The following LRRC3B variants were observed in gnomAD, a reference collection of about 807,000 sequenced individuals.
LRRC3B encodes leucine-rich repeat-containing protein 3B.
A neutral mutation model predicts 12.8 loss-of-function variants in LRRC3B; 2 were observed. That is an observed-to-expected ratio of 0.16 (90% CI 0.06 to 0.49). LRRC3B has a LOEUF of 0.49. Ranked by LOEUF, LRRC3B falls within the 20% of genes least tolerant of loss-of-function variation. The pLI is 0.96. For missense variants in LRRC3B, 189 were observed against 319.4 expected (o/e 0.59, Z 3.11); for synonymous variants, 132 against 122.0 (o/e 1.08, Z -0.54).
intron 1 of LRRC3B, among the ~76,000 whole-genome samples, chr3:26,651,011 C>T (rs1216406669): frequency 1.3e-5 from 2 of 152,176 alleles, no homozygotes; most frequent in Non-Finnish European, 2.9e-5. Flanking sequence ...TCTGTGTGTC[C>T]ACACTTGTGG....
rs148101116 is a variant in LRRC3B, at chr3:26,704,592, G to T, written c.-160-4921G>T. Among the ~76,000 whole-genome samples the T allele has an allele frequency of 6.4e-4, 97 of 151,744 alleles. No homozygotes were observed. In the East Asian group the frequency reaches 0.013, roughly 21 times the overall value. ...TTTATTTTTATTTTTTAGAGACAGG[G>T]TCTTGCTATGTTGCCCTGTCTGAAC... On this transcript the variant is annotated intron_variant, in intron 1 of 1. Coordinates refer to ENST00000396641, the Ensembl canonical transcript of LRRC3B.
intron 1 of LRRC3B, among the ~76,000 whole-genome samples, chr3:26,704,522 A>G (rs1381410805): frequency 6.6e-6 from 1 of 152,048 alleles, no homozygotes; most frequent in Non-Finnish European, 1.5e-5. Context: ...CTATTTATGT[A>G]TATTATTTTC....
chr3:26,701,310 G>T (rs973040831), intron 1 of LRRC3B: 2 of 152,012 alleles, frequency 1.3e-5, no homozygotes, highest in South Asian at 2.1e-4. Flanking sequence ...AGCATAACTG[G>T]GTGGCAGCTG....
intron 1 of LRRC3B, among the ~76,000 whole-genome samples, chr3:26,673,270 C>T (rs967442551): frequency 1.3e-5 from 2 of 152,074 alleles, no homozygotes; most frequent in Admixed American, 6.6e-5. Flanking sequence ...TCTTTTATTT[C>T]TCTTATCTTA....
At chr3:26,698,439 C>T (rs1311387822) in intron 1 of LRRC3B, among the ~76,000 whole-genome samples, 1 of 152,040 alleles carries the variant, frequency 6.6e-6, no homozygotes, top group African/African-American at 2.4e-5. Flanking sequence ...TGCAGAGAAT[C>T]ACTGCTCATT....
intron 1 of LRRC3B, among the ~76,000 whole-genome samples, chr3:26,648,026 A>G (rs1306663165): frequency 1.3e-5 from 2 of 152,058 alleles, no homozygotes; most frequent in Non-Finnish European, 2.9e-5. Context: ...GCCTTGATGA[A>G]GGACAGAACT....
intron 1 of LRRC3B, among the ~76,000 whole-genome samples, chr3:26,636,972 TTCTCTCTCTCTCTTTCTCTCTTTCTC>T (rs1698912862): frequency 1.3e-5 from 1 of 76,102 alleles, no homozygotes; most frequent in East Asian, 6.4e-4. Context: ...CTTTCTTTCT[TTCTCTCTCTCTCTTTCTCTCTTTCTC>T]TCTTTCTTTC....
intron 1 of LRRC3B, among the ~76,000 whole-genome samples, chr3:26,643,015 C>CAAAAAAAAAAA (rs745665933): frequency 4.4e-4 from 63 of 142,580 alleles, no homozygotes; most frequent in East Asian, 1.7e-3. Context: ...GACTCCGTTT[C>CAAAAAAAAAAA]AAAAAAAAAA....
intron 1 of LRRC3B, among the ~76,000 whole-genome samples, chr3:26,701,701 A>G (rs2125459446): frequency 6.6e-6 from 1 of 152,126 alleles, no homozygotes; most frequent in South Asian, 2.1e-4. Context: ...TCTTTCCAAG[A>G]CACTCTGCCT....
Position 26,632,791 on chromosome 3 carries a change from C to G in LRRC3B, c.-161+9554C>G, listed in dbSNP as rs1027370296. ...GCATCCAAGATGGAGTTGCTTTGGC[C>G]TCCACAGTCCTTTGTCACCTGGCTG... On this transcript the variant is annotated intron_variant, in intron 1 of 1. Coordinates refer to ENST00000396641, the Ensembl canonical transcript of LRRC3B. Among the ~76,000 whole-genome samples the G allele has an allele frequency of 6.8e-4, 103 of 152,066 alleles. 4 individuals carry two copies. Among genetic ancestry groups the G allele is most frequent in the Non-Finnish European group, 1.0e-4 (7 of 68,018 alleles).
chr3:26,672,651 A>G (rs1180038330), intron 1 of LRRC3B, among the ~76,000 whole-genome samples: 2 of 152,330 alleles, frequency 1.3e-5, no homozygotes, highest in Non-Finnish European at 2.9e-5. Context: ...TCCAGTTTCT[A>G]TTAGCAAATG....
chr3:26,655,106 A>G (rs1699344392), intron 1 of LRRC3B, among the ~76,000 whole-genome samples: 1 of 152,174 alleles, frequency 6.6e-6, no homozygotes, highest in Admixed American at 6.6e-5. Context: ...TTGCTCTCTC[A>G]ATGGAAAACT....
chr3:26,683,828 A>C (rs1175554197), intron 1 of LRRC3B, among the ~76,000 whole-genome samples: 1 of 152,180 alleles, frequency 6.6e-6, no homozygotes, highest in Non-Finnish European at 1.5e-5. Flanking sequence ...TTTTCCTGAG[A>C]TATCTGCAGC....
chr3:26,708,600 TGA>T (rs1453008444), intron 1 of LRRC3B, among the ~76,000 whole-genome samples: 1 of 152,192 alleles, frequency 6.6e-6, no homozygotes, highest in Admixed American at 6.5e-5. Context: ...AGGGTAATTT[TGA>T]GAGTTAACTT....
chr3:26,696,400 A>C (rs753784381), intron 1 of LRRC3B, among the ~76,000 whole-genome samples: 1 of 152,202 alleles, frequency 6.6e-6, no homozygotes, highest in Non-Finnish European at 1.5e-5. Context: ...ATCTCTGTGG[A>C]TGTCTAGGAA....
At chr3:26,695,740 T>G (rs975336040) in intron 1 of LRRC3B, among the ~76,000 whole-genome samples, 1 of 152,214 alleles carries the variant, frequency 6.6e-6, no homozygotes, top group Non-Finnish European at 1.5e-5. Context: ...CATGTGTGTT[T>G]AAATATATAT....
intron 1 of LRRC3B, among the ~76,000 whole-genome samples, chr3:26,690,453 G>T (rs1483981089): frequency 6.6e-6 from 1 of 152,178 alleles, no homozygotes; most frequent in African/African-American, 2.4e-5. Flanking sequence ...TTATGTCTGA[G>T]CAAGGAGACA....
chr3:26,700,434 T>C (rs1007106965), intron 1 of LRRC3B, among the ~76,000 whole-genome samples: 1 of 152,188 alleles, frequency 6.6e-6, no homozygotes, highest in Non-Finnish European at 1.5e-5. Flanking sequence ...CCTTTCCTGC[T>C]GCTAACCAGC....
At chr3:26,650,788 G>A (rs1699249242) in intron 1 of LRRC3B, among the ~76,000 whole-genome samples, 1 of 152,142 alleles carries the variant, frequency 6.6e-6, no homozygotes, top group Non-Finnish European at 1.5e-5. Context: ...AGAAGTCCCA[G>A]TTATGTCCAC....
Sources: gnomAD v4.1 joint callset for allele counts (sites outside exome capture counted in the v4.1 genomes callset) on GRCh38, gnomAD v4.1.1 for gene constraint, MANE v1.5 for transcripts, NCBI Gene and HGNC (gene_info 2026-07-23, HGNC 2026-07-21) for gene names.